ST3GAL4: variants seen among roughly 807,000 people sequenced by gnomAD.
ST3GAL4 encodes CMP-N-acetylneuraminate-beta-galactosamide-alpha-2,3-sialyltransferase 4.
In ST3GAL4, 24 loss-of-function variants were observed where a neutral mutation model predicts 42.6. The observed-to-expected ratio is 0.56, with a 90% CI of 0.41 to 0.79. ST3GAL4 has a LOEUF of 0.79. ST3GAL4 is among the 30% of genes least tolerant of loss of function. ST3GAL4 has a pLI of 0.00. For missense variants in ST3GAL4, 311 were observed against 430.8 expected, an observed-to-expected ratio of 0.72 and a Z score of 2.46; for synonymous variants, 135 against 163.2, an observed-to-expected ratio of 0.83 and a Z score of 1.32.
intron 1 of ST3GAL4, among the ~76,000 whole-genome samples, chr11:126,395,332 G>A (rs958846170): frequency 2.0e-5 from 3 of 152,134 alleles, no homozygotes; most frequent in African/African-American, 7.2e-5. Context: ...CTGCAGTGTT[G>A]GGTGTGTGGA....
At chr11:126,395,535 C>T (rs1364054225) in intron 1 of ST3GAL4, among the ~76,000 whole-genome samples, 1 of 152,086 alleles carries the variant, frequency 6.6e-6, no homozygotes, top group East Asian at 1.9e-4. Context: ...TTGGCTGTGT[C>T]CCCACCCAAA....
At position 126,403,351 on chromosome 11, in the gene ST3GAL4, T is replaced by C. The variant is rs147929332; in HGVS notation, c.-60-2745T>C. ...GGTTAGCGCTGCTCACCTCTGACGC[T>C]GCTCACCTCTGACGCCAAAGGTTTT... On this transcript the variant is annotated intron_variant, in intron 1 of 10. Transcript: ENST00000444328. 1.6e-3 allele frequency: 1,529 copies of C among 960,568 alleles called. 18 individuals carry two copies. The African/African-American group carries it at 0.021, about 13-fold the overall frequency. The allele number at this position is 960,568 out of a possible 1,614,324, so 59.5% of individuals were successfully genotyped here. A position where few individuals can be genotyped will look rare whatever the true frequency, so the allele number is the denominator to read the frequency against.
chr11:126,371,206 C>T (rs932856151), intron 1 of ST3GAL4, among the ~76,000 whole-genome samples: 2 of 95,220 alleles, frequency 2.1e-5, no homozygotes, highest in East Asian at 4.6e-4. Context: ...ACTCTGTTGC[C>T]CAGGCTGGAG....
In ST3GAL4 at chr11:126,399,301, C is replaced by CTTTTTTTTTT. The variant is rs58479155; in HGVS notation, c.-60-6783_-60-6774dup. Among the ~76,000 whole-genome samples, 80 of 87,714 alleles carry CTTTTTTTTTT rather than the reference C, an allele frequency of 9.1e-4. 2 individuals are homozygous for CTTTTTTTTTT. Among genetic ancestry groups the CTTTTTTTTTT allele is most frequent in the East Asian group, 2.1e-3 (5 of 2,360 alleles). The allele number at this position is 87,714 out of a possible 152,430, so 57.5% of individuals were successfully genotyped here. A position where few individuals can be genotyped will look rare whatever the true frequency, so the allele number is the denominator to read the frequency against. ...TATAAATTTCTTTCTTTCTTTCCTT[C>CTTTTTTTTTT]TTTTTTTTTTTTTTTTTTTTTGAGA... On this transcript the variant is annotated intron_variant, in intron 1 of 10. Coordinates refer to ENST00000444328, the MANE Select transcript of ST3GAL4 (RefSeq NM_001254757.2).
At position 126,371,227 on chromosome 11, in the gene ST3GAL4, C is replaced by T. The variant is rs180807079; in HGVS notation, c.-61+15385C>T. Among the ~76,000 whole-genome samples, 44 of 122,904 alleles carry T rather than the reference C, an allele frequency of 3.6e-4. 1 individual carries two copies. In the Admixed American group the frequency reaches 4.2e-3, roughly 12 times the overall value. The allele number at this position is 122,904 out of a possible 152,430, so 80.6% of individuals were successfully genotyped here. ...TTGCCCAGGCTGGAGTGCAGTGGCG[C>T]GATCTCGGCTCACTGCAATCTCTGC... On this transcript the variant is annotated intron_variant, in intron 1 of 10. Coordinates refer to ENST00000444328, the MANE Select transcript of ST3GAL4 (RefSeq NM_001254757.2).
rs962583693 is a variant in ST3GAL4 at position 126,378,756 on chromosome 11, A to G, written c.-61+22914A>G. ...GTTATGTACATTATGTAGTGGATCTATTGAGGCATACGATTTTCCTGTAGC... is the reference window on the plus strand; with the variant it reads ...GTTATGTACATTATGTAGTGGATCTGTTGAGGCATACGATTTTCCTGTAGC... On this transcript the variant is annotated intron_variant, in intron 1 of 10. Transcript: ENST00000444328. The surrounding 1 kb of genome is among the most constrained non-coding windows in gnomAD (Gnocchi z 5.3). Among the ~76,000 whole-genome samples the G allele has an allele frequency of 4.6e-5, 7 of 152,234 alleles. No homozygotes were observed. The highest frequency in any genetic ancestry group is 1.3e-4 in the Admixed American group (2 of 15,278).
At position 126,396,318 on chromosome 11, in the gene ST3GAL4, G is replaced by A. The variant is rs1277691625; in HGVS notation, c.-60-9778G>A. ...ACAGCCCAGGCCCGCGCTGAGGTTC[G>A]GCAGGGAAGCCAGAGGAGTCCGCAG... On this transcript the variant is annotated intron_variant, in intron 1 of 10. Transcript: ENST00000444328. The surrounding 1 kb of genome is among the most constrained non-coding windows in gnomAD (Gnocchi z 5.8). Among the ~76,000 whole-genome samples the A allele has an allele frequency of 8.5e-5, 13 of 152,196 alleles. No individual in the cohort carries two copies. Among genetic ancestry groups the A allele is most frequent in the African/African-American group, 2.7e-4 (11 of 41,448 alleles).
rs568126634 is a variant in ST3GAL4 at position 126,408,648 on chromosome 11, G to T, written c.627+152G>T. 9 of 900,822 alleles carry T rather than the reference G, an allele frequency of 1.0e-5. No homozygotes were observed. In the East Asian group the frequency reaches 2.1e-4, roughly 21 times the overall value. 55.8% of individuals were successfully genotyped at this position (900,822 alleles called of 1,614,324 possible). A position where few individuals can be genotyped will look rare whatever the true frequency, so the allele number is the denominator to read the frequency against. ...CTCCCGGAAGTCAGCGCCTTAGGCT[G>T]CCCTCCAAGGGTGGTGCTCTGATAA... On this transcript the variant is annotated intron_variant, in intron 8 of 10. Transcript: ENST00000444328.
At chr11:126,360,485 G>A (rs1385020395) in intron 1 of ST3GAL4, among the ~76,000 whole-genome samples, 1 of 152,140 alleles carries the variant, frequency 6.6e-6, no homozygotes, top group Non-Finnish European at 1.5e-5. Flanking sequence ...GTGCAGTGGC[G>A]CGATCTCGGC....
rs1239912698 is a variant in ST3GAL4, at chr11:126,398,408, C to T, written c.-60-7688C>T. Among the ~76,000 whole-genome samples, 2 of 152,228 alleles carry T rather than the reference C, an allele frequency of 1.3e-5. No homozygotes were observed. Among genetic ancestry groups the T allele is most frequent in the Admixed American group, 1.3e-4 (2 of 15,288 alleles). ...AGACACACTCGGGTAGGGACTTGGG[C>T]CCCCAAGGCCTCCGGCAGCCCTGCT... On this transcript the variant is annotated intron_variant, in intron 1 of 10. Coordinates refer to ENST00000444328, the MANE Select transcript of ST3GAL4 (RefSeq NM_001254757.2). This position sits in a 1 kb window ranked among gnomAD's most constrained non-coding sequence, Gnocchi z 4.7.
chr11:126,402,834 C>T (rs552112073), intron 1 of ST3GAL4, among the ~76,000 whole-genome samples: 5 of 152,336 alleles, frequency 3.3e-5, no homozygotes, highest in South Asian at 2.1e-4. Context: ...CAGCTCCCTT[C>T]GGCCAGGGAC....
rs1188884535 is a variant in ST3GAL4, at chr11:126,384,966, C to T, written c.-60-21130C>T. On this transcript the variant is annotated intron_variant, in intron 1 of 10. Transcript: ENST00000444328. The surrounding 1 kb of genome is among the most constrained non-coding windows in gnomAD (Gnocchi z 5.5). ...TGCCTGGGAAGGGAGGACCAGGTGT[C>T]GCTGGCACCTTCCACGTCCTGAGTG... 8.3e-6 allele frequency: 8 copies of T among 960,254 alleles called. No homozygotes were observed. Among genetic ancestry groups the T allele is most frequent in the South Asian group, 9.6e-5 (2 of 20,820 alleles). 59.5% of individuals were successfully genotyped at this position (960,254 alleles called of 1,614,324 possible).
At position 126,411,664 on chromosome 11, in the gene ST3GAL4, T is replaced by C. The variant is rs1173281650; in HGVS notation, c.772-1841T>C. 6.6e-6 allele frequency among the ~76,000 whole-genome samples: 1 copy of C among 152,164 alleles called. No homozygotes were observed. The highest frequency in any genetic ancestry group is 2.4e-5 in the African/African-American group (1 of 41,450). On this transcript the variant is annotated intron_variant, in intron 9 of 10. Transcript: ENST00000444328. This position sits in a 1 kb window ranked among gnomAD's most constrained non-coding sequence, Gnocchi z 6.3. ...CATTCTTGTGGTTGAAATAATTCGG[T>C]TCCTGCGATTGTAGAACTGAGGTCC...
chr11:126,356,066 C>G (rs1262394510), intron 1 of ST3GAL4: 1 of 152,238 alleles, frequency 6.6e-6, no homozygotes, highest in South Asian at 2.1e-4. Flanking sequence ...CGGATCCTCT[C>G]CGTTCCCTTG....
At chr11:126,387,406 G>A (rs1178254357) in intron 1 of ST3GAL4, among the ~76,000 whole-genome samples, 2 of 152,054 alleles carry the variant, frequency 1.3e-5, no homozygotes, top group Non-Finnish European at 2.9e-5. Context: ...GGCCAGGTGT[G>A]GTGGCTCACA....
Position 126,411,421 on chromosome 11 carries a change from AG to A in ST3GAL4, c.771+2011del, listed in dbSNP as rs1954520442. Among the ~76,000 whole-genome samples, 1 of 152,134 alleles carries A rather than the reference AG, an allele frequency of 6.6e-6. No individual in the cohort carries two copies. Among genetic ancestry groups the A allele is most frequent in the Non-Finnish European group, 1.5e-5 (1 of 68,024 alleles). Reference sequence around the variant, plus strand: ...CCAAAGTGCTGGGATTACAGGTGTGAGCCACTGCGCCTGGCCTGTATTAGCT... The same window carrying A: ...CCAAAGTGCTGGGATTACAGGTGTGACCACTGCGCCTGGCCTGTATTAGCT... On this transcript the variant is annotated intron_variant, in intron 9 of 10. Transcript: ENST00000444328. This position sits in a 1 kb window ranked among gnomAD's most constrained non-coding sequence, Gnocchi z 6.3.
At chr11:126,389,062 G>A (rs1193211211) in intron 1 of ST3GAL4, among the ~76,000 whole-genome samples, 1 of 152,092 alleles carries the variant, frequency 6.6e-6, no homozygotes, top group Non-Finnish European at 1.5e-5. Flanking sequence ...ACAGGCGTGA[G>A]CCACCGCTCC....
In ST3GAL4 at chr11:126,396,548, G is replaced by A. The variant is rs1352933854; in HGVS notation, c.-60-9548G>A. 6.6e-6 allele frequency among the ~76,000 whole-genome samples: 1 copy of A among 151,940 alleles called. No homozygotes were observed. The highest frequency in any genetic ancestry group is 6.5e-5 in the Admixed American group (1 of 15,278). On this transcript the variant is annotated intron_variant, in intron 1 of 10. Coordinates refer to ENST00000444328, the MANE Select transcript of ST3GAL4 (RefSeq NM_001254757.2). This position sits in a 1 kb window ranked among gnomAD's most constrained non-coding sequence, Gnocchi z 5.8. ...GGGGGCTAGAGACTGTGTCTCGTGC[G>A]GAAGCGTGGCTGAGAAGGGGCTCGA...
chr11:126,369,249 T>TG (rs1565395954), intron 1 of ST3GAL4, among the ~76,000 whole-genome samples: 1 of 112,324 alleles, frequency 8.9e-6, no homozygotes, highest in Non-Finnish European at 2.0e-5. Flanking sequence ...TCTCTCTCTC[T>TG]TTTTTTTGGG....
Sources: gnomAD v4.1 joint callset for allele counts (sites outside exome capture counted in the v4.1 genomes callset) on GRCh38, gnomAD v4.1.1 for gene constraint, Gnocchi (gnomAD v3.1) non-coding constraint, MANE v1.5 for transcripts, NCBI Gene and HGNC (gene_info 2026-07-23, HGNC 2026-07-21) for gene names.